Variants in CRACR2A observed in about 807,000 individuals in gnomAD.
CRACR2A encodes the protein calcium release activated channel regulator 2A, also known as EF-hand calcium-binding domain-containing protein 4B.
Under a neutral mutation model 90.5 loss-of-function variants are expected in CRACR2A, and 79 were observed. That is an observed-to-expected ratio of 0.87 (90% CI 0.73 to 1.05). The LOEUF is 1.05. Ranked by LOEUF, CRACR2A falls within the 50% of genes least tolerant of loss-of-function variation. The probability of loss-of-function intolerance (pLI) is 0.00; values close to 1 mark genes in which losing one functional copy is unlikely to be tolerated. For missense variants in CRACR2A, 823 were observed against 897.2 expected, an observed-to-expected ratio of 0.92 and a Z score of 1.06; for synonymous variants, 338 against 356.7, an observed-to-expected ratio of 0.95 and a Z score of 0.59.
intron 8 of CRACR2A, among the ~76,000 whole-genome samples, chr12:3,657,350 T>C (rs1944931131): frequency 6.6e-6 from 1 of 152,234 alleles, no homozygotes; most frequent in South Asian, 2.1e-4. Context: ...CCCCTGGGGT[T>C]CCTGTCATAT....
intron 1 of CRACR2A, among the ~76,000 whole-genome samples, chr12:3,740,850 C>T (rs1946513951): frequency 6.6e-6 from 1 of 152,170 alleles, no homozygotes; most frequent in South Asian, 2.1e-4. Context: ...GTTTCCTCAC[C>T]TTTAAGTTAA....
chr12:3,720,354 GGAAA>G (rs200380658), intron 2 of CRACR2A, among the ~76,000 whole-genome samples: 1,700 of 121,740 alleles, frequency 0.014, 18 homozygotes, highest in Admixed American at 0.043. Flanking sequence ...GAAAGAAAAA[GGAAA>G]GAAAGAGAGA....
At chr12:3,621,221 A>G (rs1944122885) in intron 17 of CRACR2A, among the ~76,000 whole-genome samples, 1 of 152,086 alleles carries the variant, frequency 6.6e-6, no homozygotes, top group Admixed American at 6.6e-5. Context: ...AGGTTTTGGT[A>G]TTATTTGGAA....
In CRACR2A at chr12:3,633,475, C is replaced by T; in HGVS notation, c.1735+129G>A. On this transcript the variant is annotated intron_variant, in intron 15 of 19. Coordinates refer to ENST00000440314, the MANE Select transcript of CRACR2A (RefSeq NM_001144958.2). The surrounding 1 kb of genome is among the most constrained non-coding windows in gnomAD (Gnocchi z 4.5). The stretch of plus-strand genomic sequence containing the variant: ...CCTGTCTGTTGAACAGAGCAGACAC[C>T]AGTATCCCTACTGGCCAATCCCCAT... 12 of 1,265,480 alleles carry T rather than the reference C, an allele frequency of 9.5e-6. No individual in the cohort carries two copies. The highest frequency in any genetic ancestry group is 1.3e-5 in the Non-Finnish European group (12 of 918,310). The allele number at this position is 1,265,480 out of a possible 1,614,324, so 78.4% of individuals were successfully genotyped here. A position where few individuals can be genotyped will look rare whatever the true frequency, so the allele number is the denominator to read the frequency against.
chr12:3,743,343 C>G (rs1463120544), intron 1 of CRACR2A, among the ~76,000 whole-genome samples: 1 of 152,332 alleles, frequency 6.6e-6, no homozygotes, highest in Non-Finnish European at 1.5e-5. Context: ...CTATATCAGA[C>G]TTTTAAACTG....
rs1390171118 is a variant in CRACR2A at position 3,643,841 on chromosome 12, A to T, written c.1164+754T>A. ...TTTATATTATATATAAATATATATA[A>T]TATATATTATATATTTATATTATAT... On this transcript the variant is annotated intron_variant, in intron 12 of 19. Coordinates refer to ENST00000440314, the MANE Select transcript of CRACR2A (RefSeq NM_001144958.2). Among the ~76,000 whole-genome samples the T allele has an allele frequency of 4.4e-5, 3 of 68,322 alleles. No individual in the cohort carries two copies. The East Asian group carries it at 2.7e-3, about 61-fold the overall frequency. The allele number at this position is 68,322 out of a possible 152,430, so 44.8% of individuals were successfully genotyped here.
intron 6 of CRACR2A, 89 bp downstream of exon 6, chr12:3,678,826 A>G (rs1945386792): frequency 7.0e-7 from 1 of 1,419,568 alleles, no homozygotes; most frequent in East Asian, 2.4e-5. Flanking sequence ...CCAGCACCAC[A>G]TGGTTAACAA....
chr12:3,672,389 G>A (rs1311280157), intron 7 of CRACR2A, among the ~76,000 whole-genome samples: 1 of 152,228 alleles, frequency 6.6e-6, no homozygotes, highest in Non-Finnish European at 1.5e-5. Context: ...GGAGGAGCAG[G>A]TGGTCTGTGG....
intron 3 of CRACR2A, among the ~76,000 whole-genome samples, chr12:3,709,606 C>T (rs138958620): frequency 3.7e-4 from 57 of 152,168 alleles, no homozygotes; most frequent in African/African-American, 1.3e-3. Context: ...GGTGAAACTC[C>T]GTCTCTACTA....
chr12:3,641,662 G>C, intron 13 of CRACR2A, 70 bp downstream of exon 13: 1 of 1,404,404 alleles, frequency 7.1e-7, no homozygotes, highest in Non-Finnish European at 9.8e-7. Context: ...CAGGCACTGA[G>C]TATGGGCCCA....
Position 3,641,921 on chromosome 12 carries a change from T to C in CRACR2A, c.1165-83A>G. ...AAAAGGGCTCATGGTTCCCACCTCA[T>C]AGACTAGGCTCTACACAAAACTCTG... On this transcript the variant is annotated intron_variant, in intron 12 of 19. Transcript: ENST00000440314. 5 of 1,202,014 alleles carry C rather than the reference T, an allele frequency of 4.2e-6. No homozygotes were observed. The Middle Eastern group carries it at 7.5e-4, about 181-fold the overall frequency. The allele number at this position is 1,202,014 out of a possible 1,614,324, so 74.5% of individuals were successfully genotyped here. A position where few individuals can be genotyped will look rare whatever the true frequency, so the allele number is the denominator to read the frequency against.
At chr12:3,656,450 C>T (rs1309709937) in intron 8 of CRACR2A, 44 bp from the exon 9 acceptor site, 1 of 1,581,914 alleles carries the variant, frequency 6.3e-7, no homozygotes, top group Admixed American at 1.7e-5. Flanking sequence ...AAATGTAGCA[C>T]ACCCGGGTTA....
At position 3,661,911 on chromosome 12, in the gene CRACR2A, G is replaced by A. The variant is rs143057043; in HGVS notation, c.672-2257C>T. Among the ~76,000 whole-genome samples the A allele has an allele frequency of 8.0e-3, 1,214 of 152,192 alleles. 17 individuals carry two copies. The highest frequency in any genetic ancestry group is 0.028 in the African/African-American group (1,161 of 41,522). The stretch of plus-strand genomic sequence containing the variant: ...TACTATTTATTTCTAATAACCATGC[G>A]GGGCATTAATTCTATAATATAATTA... On this transcript the variant is annotated intron_variant, in intron 7 of 19. Coordinates refer to ENST00000440314, the MANE Select transcript of CRACR2A (RefSeq NM_001144958.2).
At chr12:3,668,211 G>A (rs973245906) in intron 7 of CRACR2A, among the ~76,000 whole-genome samples, 12 of 152,134 alleles carry the variant, frequency 7.9e-5, no homozygotes, top group African/African-American at 2.9e-4. Flanking sequence ...AGTCCTCGCC[G>A]AGAACTTCAC....
chr12:3,752,512 C>T, intron 1 of CRACR2A: 1 of 152,776 alleles, frequency 6.5e-6, no homozygotes, highest in Non-Finnish European at 1.5e-5. Flanking sequence ...CCTTCCTTTG[C>T]TCTGGGAGGT....
At chr12:3,697,939 G>A (rs242003) in intron 3 of CRACR2A, among the ~76,000 whole-genome samples, 121,900 of 152,000 alleles carry the variant, frequency 0.8, 49,287 homozygotes, top group Middle Eastern at 0.88. Flanking sequence ...GAGGGCATAC[G>A]GAAACCTGGC....
intron 7 of CRACR2A, among the ~76,000 whole-genome samples, chr12:3,666,358 T>TGTGTGTGTGTGTGTGTGC (rs758896769): frequency 7.2e-4 from 107 of 148,524 alleles, no homozygotes; most frequent in African/African-American, 2.7e-3. Context: ...TGTGTGTGCG[T>TGTGTGTGTGTGTGTGTGC]GCGTGTGCGC....
intron 4 of CRACR2A, among the ~76,000 whole-genome samples, chr12:3,685,137 A>G (rs1474610603): frequency 2.0e-5 from 3 of 152,242 alleles, no homozygotes; most frequent in Non-Finnish European, 2.9e-5. Context: ...ACATTGCCAT[A>G]TGTCCTCCAG....
intron 3 of CRACR2A, among the ~76,000 whole-genome samples, chr12:3,706,103 G>A (rs1488375952): frequency 2.0e-5 from 3 of 152,196 alleles, no homozygotes; most frequent in Non-Finnish European, 4.4e-5. Flanking sequence ...TATAGGGCAG[G>A]ACCCATTATT....
Sources: gnomAD v4.1 joint callset for allele counts (sites outside exome capture counted in the v4.1 genomes callset) on GRCh38, gnomAD v4.1.1 for gene constraint, Gnocchi (gnomAD v3.1) non-coding constraint, MANE v1.5 for transcripts, NCBI Gene and HGNC (gene_info 2026-07-23, HGNC 2026-07-21) for gene names.